The following ATG7 variants were observed in gnomAD, a reference collection of about 807,000 sequenced individuals.
The protein encoded by ATG7 is autophagy related 7.
A neutral mutation model predicts 82.4 loss-of-function variants in ATG7; 70 were observed. That is an observed-to-expected ratio of 0.85 (90% CI 0.70 to 1.04). The LOEUF is 1.04. Ranked by LOEUF, ATG7 falls within the 50% of genes least tolerant of loss-of-function variation. The pLI, the probability that ATG7 is intolerant of heterozygous loss-of-function variation, is 0.00. For missense variants in ATG7, 792 were observed against 864.3 expected (o/e 0.92, Z 1.05); for synonymous variants, 287 against 313.0 (o/e 0.92, Z 0.88).
Position 11,553,344 on chromosome 3 carries a change from C to T in ATG7, c.2080-1467C>T, listed in dbSNP as rs114055886. ...AGAGGGAGTATTCGCAGCAGGTCTA[C>T]ACAGCGTGTGGCACAGAGCTGGCTA... On this transcript the variant is annotated intron_variant, in intron 20 of 20. Coordinates refer to ENST00000693202, the MANE Select transcript of ATG7 (RefSeq NM_001349232.2). Among the ~76,000 whole-genome samples, 1,030 of 152,328 alleles carry T rather than the reference C, an allele frequency of 6.8e-3. 12 individuals carry two copies. Among genetic ancestry groups the T allele is most frequent in the African/African-American group, 0.024 (1,004 of 41,564 alleles).
chr3:11,286,547 G>GT (rs749385598), intron 3 of ATG7, among the ~76,000 whole-genome samples: 5,955 of 92,022 alleles, frequency 0.065, 139 homozygotes, highest in African/African-American at 0.089. Context: ...TTTGTTTTGT[G>GT]TTTTTTTTTT....
chr3:11,496,141 G>T (rs753368817), intron 20 of ATG7, among the ~76,000 whole-genome samples: 6 of 152,198 alleles, frequency 3.9e-5, no homozygotes, highest in Non-Finnish European at 8.8e-5. Flanking sequence ...CCATTAAAAG[G>T]AGGACGTTAT....
chr3:11,565,059 A>T, the ATG7 span: 1 of 1,456,088 alleles, frequency 6.9e-7, no homozygotes, highest in African/African-American at 1.5e-5. This position sits in a 1 kb window ranked among gnomAD's most constrained non-coding sequence, Gnocchi z 4.1. Context: ...CGTTTTCTCA[A>T]AGGCAAAGGG....
intron 20 of ATG7, among the ~76,000 whole-genome samples, chr3:11,512,583 T>C (rs997274980): frequency 2.0e-5 from 3 of 152,198 alleles, no homozygotes; most frequent in African/African-American, 7.2e-5. Flanking sequence ...TAACAGTTCT[T>C]AAAGCGGCAC....
chr3:11,379,866 C>A, intron 18 of ATG7, 106 bp from the exon 19 acceptor site: 2 of 1,077,606 alleles, frequency 1.9e-6, no homozygotes, highest in Non-Finnish European at 2.8e-6. Context: ...TCTTTCCGGG[C>A]CGCCATATTA....
intron 19 of ATG7, among the ~76,000 whole-genome samples, chr3:11,388,058 A>G (rs111950349): frequency 3.3e-5 from 5 of 152,158 alleles, no homozygotes; most frequent in African/African-American, 1.2e-4. Flanking sequence ...CCATTGCTCT[A>G]TGAGTGTTTC....
At chr3:11,518,107 G>T (rs1001460639) in intron 20 of ATG7, among the ~76,000 whole-genome samples, 20 of 152,154 alleles carry the variant, frequency 1.3e-4, no homozygotes, top group African/African-American at 4.6e-4. Flanking sequence ...GCTTCCCTGG[G>T]GTCTAGTTTA....
rs867545771 is a variant in ATG7 at position 11,298,589 on chromosome 3, T to C, written c.-10-97T>C. ...GTAGCCTGTAAACATCTCATTACTT[T>C]TTGTTTGTTTGAATTAAACTTTATT... On this transcript the variant is annotated intron_variant, in intron 3 of 20. Coordinates refer to ENST00000693202, the MANE Select transcript of ATG7 (RefSeq NM_001349232.2). 3.2e-6 allele frequency: 4 copies of C among 1,253,822 alleles called. No homozygotes were observed. The Middle Eastern group carries it at 7.9e-4, about 248-fold the overall frequency. 77.7% of individuals were successfully genotyped at this position (1,253,822 alleles called of 1,614,324 possible).
At chr3:11,462,976 C>A (rs1198459717) in intron 20 of ATG7, among the ~76,000 whole-genome samples, 1 of 151,882 alleles carries the variant, frequency 6.6e-6, no homozygotes, top group African/African-American at 2.4e-5. Flanking sequence ...ACCTCTGCCT[C>A]CTGGGTTCAA....
intron 19 of ATG7, among the ~76,000 whole-genome samples, chr3:11,384,739 T>C (rs1051411160): frequency 7.9e-5 from 12 of 152,142 alleles, no homozygotes; most frequent in African/African-American, 2.9e-4. Flanking sequence ...GGTGGGCAGA[T>C]CACCTGAGCC....
At chr3:11,274,172 C>T (rs1266394892) in intron 1 of ATG7, among the ~76,000 whole-genome samples, 1 of 152,146 alleles carries the variant, frequency 6.6e-6, no homozygotes, top group African/African-American at 2.4e-5. Context: ...CCACAGGTTC[C>T]GTTTTTCGTT....
At chr3:11,340,368 G>C (rs1368099944) in intron 11 of ATG7, among the ~76,000 whole-genome samples, 2 of 151,738 alleles carry the variant, frequency 1.3e-5, no homozygotes, top group African/African-American at 2.4e-5. Flanking sequence ...CCTTGGGCCA[G>C]AGTTGAGGGC....
At chr3:11,453,369 G>GA (rs1381463043) in intron 20 of ATG7, among the ~76,000 whole-genome samples, 1 of 152,150 alleles carries the variant, frequency 6.6e-6, no homozygotes, top group Admixed American at 6.5e-5. Flanking sequence ...GATAATACTA[G>GA]AAAACTCAGA....
intron 18 of ATG7, among the ~76,000 whole-genome samples, chr3:11,373,246 A>G (rs1252685823): frequency 6.6e-6 from 1 of 152,284 alleles, no homozygotes; most frequent in East Asian, 1.9e-4. Context: ...CACCTTTGAT[A>G]TCACTTTATA....
At chr3:11,292,080 G>A (rs568346653) in intron 3 of ATG7, among the ~76,000 whole-genome samples, 1 of 152,172 alleles carries the variant, frequency 6.6e-6, no homozygotes, top group Non-Finnish European at 1.5e-5. Context: ...AGATGATGGA[G>A]CCTGGCACGT....
chr3:11,311,447 TA>T (rs1330193315), intron 7 of ATG7, among the ~76,000 whole-genome samples: 23 of 147,394 alleles, frequency 1.6e-4, no homozygotes, highest in African/African-American at 1.2e-4. Context: ...CTACTAAAAT[TA>T]AAAAAAAAAA....
intron 20 of ATG7, among the ~76,000 whole-genome samples, chr3:11,482,798 T>G (rs1416142403): frequency 6.6e-6 from 1 of 152,106 alleles, no homozygotes; most frequent in Non-Finnish European, 1.5e-5. Flanking sequence ...TGTACCTTTT[T>G]TTTTTTGAGG....
intron 20 of ATG7, among the ~76,000 whole-genome samples, chr3:11,516,400 A>C (rs546716179): frequency 6.6e-6 from 1 of 152,242 alleles, no homozygotes; most frequent in Non-Finnish European, 1.5e-5. Flanking sequence ...ACTAGATACC[A>C]TGTAAACACC....
At chr3:11,398,285 A>C (rs1020346801) in intron 19 of ATG7, among the ~76,000 whole-genome samples, 4 of 152,170 alleles carry the variant, frequency 2.6e-5, no homozygotes, top group African/African-American at 9.7e-5. Context: ...CTTTTCAAGC[A>C]CACACATAAT....
Sources: allele counts gnomAD v4.1 joint callset (sites outside exome capture counted in the v4.1 genomes callset), GRCh38; gene constraint gnomAD v4.1.1; non-coding constraint Gnocchi (gnomAD v3.1); transcripts MANE v1.5; gene names NCBI Gene and HGNC (gene_info 2026-07-23, HGNC 2026-07-21).